Variants in XKR9 observed in about 807,000 individuals in gnomAD.
XKR9 encodes the protein XK related 9, also known as XK-related protein 9.
XKR9 carries 32 observed loss-of-function variants against 32.0 expected under a neutral mutation model. The ratio of observed to expected loss-of-function variants is 1.00; its 90% CI spans 0.76 to 1.34. The LOEUF is 1.34. Ranked by LOEUF, XKR9 falls within the 40% of genes most tolerant of loss-of-function variation. XKR9 has a pLI of 0.00. For synonymous variants in XKR9, 168 were observed against 143.4 expected, an observed-to-expected ratio of 1.17 and a Z score of -1.22; for missense variants, 546 against 429.7, an observed-to-expected ratio of 1.27 and a Z score of -2.39.
rs1174790634 is a variant in XKR9 at position 70,735,700 on chromosome 8, G to A, written c.*1276G>A. On this transcript the variant is annotated 3_prime_UTR_variant, in exon 5 of 5. Coordinates refer to ENST00000408926, the MANE Select transcript of XKR9 (RefSeq NM_001011720.2). ...CATTGTTCAGTTCCCACCTATGAGT[G>A]AGAATATGCAGTGTTTGGTTTTTTG... is the stretch of plus-strand genomic sequence containing the variant. 6.9e-6 allele frequency: 1 copy of A among 145,670 alleles called. No individual in the cohort carries two copies. Among genetic ancestry groups the A allele is most frequent in the Non-Finnish European group, 1.5e-5 (1 of 67,410 alleles). 9.0% of individuals were successfully genotyped at this position (145,670 alleles called of 1,614,324 possible). A position where few individuals can be genotyped will look rare whatever the true frequency, so the allele number is the denominator to read the frequency against.
chr8:70,906,997 A>G, the XKR9 span, among the ~76,000 whole-genome samples: 10 of 152,098 alleles, frequency 6.6e-5, no homozygotes, highest in Admixed American at 2.0e-4. Context: ...TTACTCCCCA[A>G]TTTCACTTGT....
At chr8:70,817,989 A>T in the XKR9 span, among the ~76,000 whole-genome samples, 4 of 152,160 alleles carry the variant, frequency 2.6e-5, no homozygotes, top group African/African-American at 9.7e-5. Context: ...TTTAGATGTA[A>T]AACCTCAAAC....
At chr8:70,915,238 T>A in the XKR9 span, among the ~76,000 whole-genome samples, 1 of 152,036 alleles carries the variant, frequency 6.6e-6, no homozygotes, top group Non-Finnish European at 1.5e-5. Context: ...TAGGGGCAAC[T>A]GGGGAGGTTG....
the XKR9 span, among the ~76,000 whole-genome samples, chr8:70,843,796 G>A: frequency 5.9e-3 from 896 of 152,236 alleles, 13 homozygotes; most frequent in African/African-American, 0.021. Flanking sequence ...TTGCTCCAGA[G>A]AGAGAATTCA....
chr8:70,868,005 C>G, the XKR9 span, among the ~76,000 whole-genome samples: 1 of 152,230 alleles, frequency 6.6e-6, no homozygotes, highest in Non-Finnish European at 1.5e-5. Context: ...TCTTAAAGCT[C>G]CAAAATGGTG....
chr8:70,984,376 G>A, the XKR9 span, among the ~76,000 whole-genome samples: 1 of 152,176 alleles, frequency 6.6e-6, no homozygotes, highest in Non-Finnish European at 1.5e-5. Context: ...GATCATCTCT[G>A]TTCTCTTCCC....
chr8:70,790,484 C>T (rs1394964811), downstream of XKR9: 1 of 151,922 alleles, frequency 6.6e-6, no homozygotes, highest in African/African-American at 2.4e-5. Flanking sequence ...GCTCTGACTC[C>T]CCTTTAGTTC....
chr8:70,869,423 G>A, the XKR9 span, among the ~76,000 whole-genome samples: 47 of 152,274 alleles, frequency 3.1e-4, no homozygotes, highest in African/African-American at 1.1e-3. Context: ...AGAGAAGAGA[G>A]GACTTGTGCA....
At chr8:71,044,526 G>C in the XKR9 span, among the ~76,000 whole-genome samples, 1 of 152,218 alleles carries the variant, frequency 6.6e-6, no homozygotes, top group Non-Finnish European at 1.5e-5. Flanking sequence ...AATTGCTGAA[G>C]AGTATTCTTA....
intron 2 of XKR9, among the ~76,000 whole-genome samples, chr8:70,749,379 T>G (rs574392282): frequency 2.1e-4 from 32 of 152,360 alleles, no homozygotes; most frequent in Non-Finnish European, 4.0e-4. Context: ...GCCAGGGCTG[T>G]GAACATACTG....
chr8:70,767,940 C>T (rs1254676710), intron 2 of XKR9, among the ~76,000 whole-genome samples: 1 of 152,026 alleles, frequency 6.6e-6, no homozygotes, highest in East Asian at 1.9e-4. Flanking sequence ...CTGCTCTGAT[C>T]TTAGTTATTT....
intron 3 of XKR9, among the ~76,000 whole-genome samples, chr8:70,695,391 C>T (rs74859483): frequency 0.3 from 40,034 of 132,422 alleles, 7,028 homozygotes; most frequent in Middle Eastern, 0.43. Flanking sequence ...TGTGTTCTCA[C>T]TGTTCAATTC....
the XKR9 span, among the ~76,000 whole-genome samples, chr8:70,931,716 G>A: frequency 1.2e-4 from 18 of 152,300 alleles, no homozygotes; most frequent in South Asian, 3.5e-3. Flanking sequence ...TCATGGCAGA[G>A]GCCAAAGAGG....
chr8:71,056,799 TTTA>T, the XKR9 span, among the ~76,000 whole-genome samples: 3 of 152,178 alleles, frequency 2.0e-5, no homozygotes, highest in Non-Finnish European at 4.4e-5. Context: ...GAAAAAATAA[TTTA>T]TTGTTATTAT....
At chr8:70,909,414 C>G in the XKR9 span, among the ~76,000 whole-genome samples, 1 of 152,114 alleles carries the variant, frequency 6.6e-6, no homozygotes, top group African/African-American at 2.4e-5. Context: ...CCTCTTTCTT[C>G]GTGTCTGGGT....
chr8:70,840,311 T>C, the XKR9 span, among the ~76,000 whole-genome samples: 1 of 152,254 alleles, frequency 6.6e-6, no homozygotes, highest in East Asian at 1.9e-4. Flanking sequence ...ATATCTGATA[T>C]TTTATTTAAT....
At chr8:70,787,716 A>T (rs1807706202) in intron 2 of XKR9, among the ~76,000 whole-genome samples, 1 of 152,056 alleles carries the variant, frequency 6.6e-6, no homozygotes, top group Non-Finnish European at 1.5e-5. Flanking sequence ...CAGACAAACC[A>T]AGTCTGTGTT....
At chr8:70,984,681 T>C in the XKR9 span, among the ~76,000 whole-genome samples, 1 of 152,196 alleles carries the variant, frequency 6.6e-6, no homozygotes, top group African/African-American at 2.4e-5. Context: ...TTGACCTCAT[T>C]TGCCCCCTGA....
the XKR9 span, among the ~76,000 whole-genome samples, chr8:70,988,030 G>A: frequency 6.6e-6 from 1 of 152,224 alleles, no homozygotes; most frequent in African/African-American, 2.4e-5. Context: ...TGGGATGCAG[G>A]GCGCCAAACC....
Sources: allele counts gnomAD v4.1 joint callset (sites outside exome capture counted in the v4.1 genomes callset), GRCh38; gene constraint gnomAD v4.1.1; transcripts MANE v1.5; gene names NCBI Gene and HGNC (gene_info 2026-07-23, HGNC 2026-07-21).